Variants in SPG11 observed in about 807,000 individuals in gnomAD.
SPG11 encodes the protein spatacsin.
Under a neutral mutation model 274.0 loss-of-function variants are expected in SPG11, and 222 were observed. The observed-to-expected ratio is 0.81, with a 90% CI of 0.73 to 0.91. The LOEUF (loss-of-function observed/expected upper bound fraction) is 0.91. SPG11 is among the 40% of genes least tolerant of loss of function. SPG11 has a pLI of 0.00. For missense variants in SPG11, 3,114 were observed against 2,872.7 expected, an observed-to-expected ratio of 1.08 and a Z score of -1.92; for synonymous variants, 1,144 against 1,039.7, an observed-to-expected ratio of 1.10 and a Z score of -1.93.
intron 7 of SPG11, among the ~76,000 whole-genome samples, chr15:44,635,180 C>T (rs1302463911): frequency 3.3e-5 from 5 of 152,066 alleles, no homozygotes; most frequent in Non-Finnish European, 7.4e-5. Context: ...CATACCACTG[C>T]ACTCCAGCCT....
At chr15:44,661,526 TAA>T (rs1425548879) in intron 1 of SPG11, among the ~76,000 whole-genome samples, 3 of 152,024 alleles carry the variant, frequency 2.0e-5, no homozygotes, top group Non-Finnish European at 2.9e-5. Context: ...ATAAAACTAA[TAA>T]GAGTACATAA....
chr15:44,563,259 C>G lies in SPG11; in HGVS notation c.7194G>C (p.Leu2398=). ...CTTCACAATATGTGAGTAATTTCTT[C>G]AGGTTTTCCATGACCATGTCAGTAG... ...HQPTDMVMEN[L]KKLLTYCEDV... The change falls in exon 40 of 40, where the codon CTG becomes CTC. Residue 2398 remains leucine (L), a synonymous_variant. Transcript: ENST00000261866. 6.2e-7 allele frequency: 1 copy of G among 1,614,044 alleles called. No homozygotes were observed. Among genetic ancestry groups the G allele is most frequent in the Admixed American group, 1.7e-5 (1 of 60,028 alleles).
chr15:44,629,154 G>C, intron 9 of SPG11, 79 bp downstream of exon 9: 4 of 1,499,918 alleles, frequency 2.7e-6, no homozygotes, highest in Non-Finnish European at 3.7e-6. Context: ...GGTTTATGCT[G>C]TGTCACCCAA....
At position 44,642,542 on chromosome 15, in the gene SPG11, TA is replaced by T. The variant is rs775587162; in HGVS notation, c.1602+6323del. On this transcript the variant is annotated intron_variant, in intron 7 of 39. Transcript: ENST00000261866. The stretch of plus-strand genomic sequence containing the variant: ...GGGGATACATTTATATGCAGAAAAA[TA>T]AAGAAAATCATGAGAATGGTTAAAA... Among the ~76,000 whole-genome samples, 3 of 150,240 alleles carry T rather than the reference TA, an allele frequency of 2.0e-5. No individual in the cohort carries two copies. In the East Asian group the frequency reaches 5.9e-4, roughly 29 times the overall value.
intron 32 of SPG11, chr15:44,573,281 G>A (rs909240946): frequency 3.8e-5 from 23 of 606,158 alleles, no homozygotes; most frequent in Non-Finnish European, 5.8e-5. Flanking sequence ...CACCGCGCCC[G>A]GCCAGGACAG....
At chr15:44,600,875 C>T (rs1427189181) in intron 20 of SPG11, among the ~76,000 whole-genome samples, 2 of 152,112 alleles carry the variant, frequency 1.3e-5, no homozygotes, top group African/African-American at 2.4e-5. Context: ...ATGCTTCAGC[C>T]GGGTACGGTG....
At chr15:44,636,925 C>CAAAAAAAAAAAAACAAAACAA in intron 7 of SPG11, among the ~76,000 whole-genome samples, 1 of 19,452 alleles carries the variant, frequency 5.1e-5, no homozygotes, top group Non-Finnish European at 8.0e-5. Flanking sequence ...GACTCCATCT[C>CAAAAAAAAAAAAACAAAACAA]AAAAAAAAAA....
At position 44,604,483 on chromosome 15, in the gene SPG11, C is replaced by T. The variant is rs188387163; in HGVS notation, c.3520+1542G>A. On this transcript the variant is annotated intron_variant, in intron 20 of 39. Coordinates refer to ENST00000261866, the MANE Select transcript of SPG11 (RefSeq NM_025137.4). ...ACGTTGGGGCTTAGTGTGGAGACTG[C>T]GTATAAGAGAAAATTCATTCTAGAG... Among the ~76,000 whole-genome samples the T allele has an allele frequency of 6.6e-5, 10 of 152,112 alleles. No homozygotes were observed. The East Asian group carries it at 1.2e-3, about 18-fold the overall frequency.
chr15:44,604,931 CAAAAA>C (rs908048525), intron 20 of SPG11, among the ~76,000 whole-genome samples: 61 of 22,486 alleles, frequency 2.7e-3, no homozygotes, highest in Middle Eastern at 0.024. Flanking sequence ...ACTCCATCTC[CAAAAA>C]AAAAAAAAAA....
At chr15:44,572,453 G>T in intron 33 of SPG11, 2 of 540,284 alleles carry the variant, frequency 3.7e-6, no homozygotes, top group Non-Finnish European at 6.6e-6. Context: ...AAATAAGTAT[G>T]TTGAGTAAAG....
rs763169552 is a variant in SPG11 at position 44,598,841 on chromosome 15, AAAAG to A, written c.3687-9_3687-6del. ...TCATTGCCTACTTGCTGGATCCTGAAAAAGAAAGGAATCAAAATCACATCAGCAC... is the reference window on the plus strand; with the variant it reads ...TCATTGCCTACTTGCTGGATCCTGAAAAAGGAATCAAAATCACATCAGCAC... On this transcript the variant is annotated splice_polypyrimidine_tract_variant and splice_region_variant and intron_variant, in intron 21 of 39. Coordinates refer to ENST00000261866, the MANE Select transcript of SPG11 (RefSeq NM_025137.4). The A allele has an allele frequency of 6.2e-7, 1 of 1,613,846 alleles. No individual in the cohort carries two copies. Among genetic ancestry groups the A allele is most frequent in the South Asian group, 1.1e-5 (1 of 91,062 alleles).
intron 23 of SPG11, 80 bp downstream of exon 23, chr15:44,598,185 T>A (rs2083091597): frequency 2.1e-6 from 2 of 969,166 alleles, no homozygotes; most frequent in South Asian, 2.6e-5. Flanking sequence ...AACACCAGAG[T>A]TGTTCAAAGA....
chr15:44,628,919 A>G lies in SPG11; in HGVS notation c.1892-75T>C, dbSNP rs1170458955. The G allele has an allele frequency of 3.5e-6, 5 of 1,416,744 alleles. No individual in the cohort carries two copies. The East Asian group carries it at 6.8e-5, about 19-fold the overall frequency. 87.8% of individuals were successfully genotyped at this position (1,416,744 alleles called of 1,614,324 possible). ...ACCATGAGCTGTTATAAAGAATTCT[A>G]AAGAAAGTCAAAATTCAAACTTGGT... On this transcript the variant is annotated intron_variant, in intron 9 of 39. Coordinates refer to ENST00000261866, the MANE Select transcript of SPG11 (RefSeq NM_025137.4).
intron 2 of SPG11, 142 bp from the exon 3 acceptor site, chr15:44,659,445 C>A (rs892232576): frequency 1.4e-6 from 1 of 725,066 alleles, no homozygotes; most frequent in Non-Finnish European, 2.3e-6. Flanking sequence ...TCGTTCACAC[C>A]CACCTAAGGA....
chr15:44,629,305 A>C lies in SPG11; in HGVS notation c.1819T>G (p.Ser607Ala), dbSNP rs886051182. 5 of 1,614,084 alleles carry C rather than the reference A, an allele frequency of 3.1e-6. No individual in the cohort carries two copies. Among genetic ancestry groups the C allele is most frequent in the Non-Finnish European group, 4.2e-6 (5 of 1,179,948 alleles). The change falls in exon 9 of 40, where the codon TCA becomes GCA. Residue 607 changes from serine to alanine, a missense_variant. Physicochemically the swap from Ser to Ala is moderately conservative, Grantham distance 99. Coordinates refer to ENST00000261866, the MANE Select transcript of SPG11 (RefSeq NM_025137.4). ...SYSEPQSKHFSEQLLNLTLSF... is the reference protein window; with the variant it reads ...SYSEPQSKHFAEQLLNLTLSF... ...AGTGTAAGATTAAGCAATTGTTCTG[A>C]AAAGTGTTTGCTTTGGGGTTCAGAA... is the stretch of plus-strand genomic sequence containing the variant.
intron 30 of SPG11, among the ~76,000 whole-genome samples, chr15:44,577,619 C>T (rs1334409578): frequency 6.6e-6 from 1 of 151,976 alleles, no homozygotes; most frequent in Admixed American, 6.6e-5. Flanking sequence ...AGTTCCAATT[C>T]TAGGTAAGTT....
chr15:44,600,460 T>TATA lies in SPG11; in HGVS notation c.3686+6_3686+7insTAT. 1 of 1,613,874 alleles carries TATA rather than the reference T, an allele frequency of 6.2e-7. No individual in the cohort carries two copies. Among genetic ancestry groups the TATA allele is most frequent in the South Asian group, 1.1e-5 (1 of 91,072 alleles). ...TACCCAGACAAAATTATATTTTAAA[T>TATA]ACTCACAGCTGCTTGGGAGTCTTGC... On this transcript the variant is annotated splice_region_variant and intron_variant, in intron 21 of 39. Coordinates refer to ENST00000261866, the MANE Select transcript of SPG11 (RefSeq NM_025137.4).
At chr15:44,643,906 G>A (rs1003981072) in intron 7 of SPG11, among the ~76,000 whole-genome samples, 3 of 152,082 alleles carry the variant, frequency 2.0e-5, no homozygotes, top group African/African-American at 7.2e-5. Flanking sequence ...GCTCACGCCT[G>A]TAATCCCAGC....
chr15:44,564,118 G>A (rs188457245), intron 39 of SPG11, among the ~76,000 whole-genome samples: 18 of 152,064 alleles, frequency 1.2e-4, no homozygotes, highest in African/African-American at 2.7e-4. Context: ...TCAGCCTCCC[G>A]AGTAGCTGGG....
Sources: allele counts gnomAD v4.1 joint callset (sites outside exome capture counted in the v4.1 genomes callset), GRCh38; gene constraint gnomAD v4.1.1; transcripts MANE v1.5; gene names NCBI Gene and HGNC (gene_info 2026-07-23, HGNC 2026-07-21).